Variants in P2RX5 observed in about 807,000 individuals in gnomAD.
The protein encoded by P2RX5 is P2X purinoceptor 5.
A neutral mutation model predicts 54.1 loss-of-function variants in P2RX5; 46 were observed. The observed-to-expected ratio is 0.85, with a 90% CI of 0.67 to 1.09. The LOEUF is 1.09. P2RX5 is among the 50% of genes least tolerant of loss of function. P2RX5 has a pLI of 0.00. For synonymous variants in P2RX5, 226 were observed against 226.4 expected (o/e 1.00, Z 0.02); for missense variants, 566 against 549.8 (o/e 1.03, Z -0.29).
At chr17:3,680,495 G>GCGTCCTCCACCC in intron 10 of P2RX5, among the ~76,000 whole-genome samples, 2 of 65,252 alleles carry the variant, frequency 3.1e-5, no homozygotes, top group South Asian at 5.4e-4. Flanking sequence ...CCTCCACCCA[G>GCGTCCTCCACCC]TGTCCTCCAC....
chr17:3,701,535 A>G, the P2RX5 span, among the ~76,000 whole-genome samples: 1 of 152,002 alleles, frequency 6.6e-6, no homozygotes, highest in Admixed American at 6.6e-5. Flanking sequence ...TCTACTAAAA[A>G]TACAAAATTA....
intron 8 of P2RX5, 118 bp from the exon 9 acceptor site, chr17:3,688,223 C>T: frequency 1.4e-6 from 1 of 704,020 alleles, no homozygotes; most frequent in Non-Finnish European, 2.6e-6. Context: ...CTCTCAGCAG[C>T]CCCAGGAGTG....
At chr17:3,711,148 C>T in the P2RX5 span, among the ~76,000 whole-genome samples, 2 of 152,100 alleles carry the variant, frequency 1.3e-5, no homozygotes, top group Admixed American at 6.6e-5. Flanking sequence ...GAAGAAAGAC[C>T]GGCTGGGAAA....
rs186974940 is a variant in P2RX5 at position 3,678,542 on chromosome 17, C to T, written c.1259+1048G>A. Among the ~76,000 whole-genome samples the T allele has an allele frequency of 4.8e-4, 73 of 152,314 alleles. 2 individuals carry two copies. Among genetic ancestry groups the T allele is most frequent in the Middle Eastern group, 6.8e-3 (2 of 294 alleles). On this transcript the variant is annotated intron_variant, in intron 11 of 11. Transcript: ENST00000225328. The stretch of plus-strand genomic sequence containing the variant: ...TGCCAGGCTCTGGGTCTACCCCATA[C>T]GGACCCCTAGCCTCCAGCCTCCTTG...
intron 9 of P2RX5, among the ~76,000 whole-genome samples, chr17:3,684,754 A>G (rs1414057276): frequency 6.6e-6 from 1 of 151,986 alleles, no homozygotes; most frequent in Non-Finnish European, 1.5e-5. Flanking sequence ...GGATGTGTGT[A>G]AGACCACAAC....
chr17:3,682,375 C>A, intron 9 of P2RX5: 1 of 346,672 alleles, frequency 2.9e-6, no homozygotes, highest in East Asian at 7.4e-5. Flanking sequence ...TCGATGACGA[C>A]CCACATAGGA....
chr17:3,717,539 A>G, the P2RX5 span: 1 of 152,158 alleles, frequency 6.6e-6, no homozygotes, highest in Non-Finnish European at 1.5e-5. Flanking sequence ...GGCCCTTCCA[A>G]GTTGTGGCCA....
intron 10 of P2RX5, 96 bp from the exon 11 acceptor site, chr17:3,679,880 A>G: frequency 9.4e-7 from 1 of 1,065,032 alleles, no homozygotes; most frequent in South Asian, 1.3e-5. Context: ...CTCGCCCTGC[A>G]GGCCGCCACC....
intron 9 of P2RX5, among the ~76,000 whole-genome samples, chr17:3,685,281 C>CA (rs1325071578): frequency 6.6e-6 from 1 of 152,196 alleles, no homozygotes; most frequent in Non-Finnish European, 1.5e-5. Context: ...GAGCTACCAG[C>CA]ACATGCCTCC....
chr17:3,679,442 C>T lies in P2RX5; in HGVS notation c.1259+148G>A, dbSNP rs192623347. ...AAGCACCAGCCCCTTCCCACAGAGG[C>T]TCTCCCAGTTCCTAGATGTCCTGCC... is the stretch of plus-strand genomic sequence containing the variant. On this transcript the variant is annotated intron_variant, in intron 11 of 11. Coordinates refer to ENST00000225328, the MANE Select transcript of P2RX5 (RefSeq NM_002561.4). 2.3e-4 allele frequency: 166 copies of T among 712,754 alleles called. 1 individual carries two copies. Among genetic ancestry groups the T allele is most frequent in the African/African-American group, 2.3e-3 (132 of 56,868 alleles). 44.2% of individuals were successfully genotyped at this position (712,754 alleles called of 1,614,324 possible).
At chr17:3,682,242 A>C in intron 9 of P2RX5, 1 of 493,728 alleles carries the variant, frequency 2.0e-6, no homozygotes, top group Non-Finnish European at 3.7e-6. Flanking sequence ...ACCCCATCCA[A>C]TCGTTCCTTC....
At chr17:3,716,852 A>AAAG in the P2RX5 span, 1 of 985,288 alleles carries the variant, frequency 1.0e-6, no homozygotes, top group Non-Finnish European at 1.6e-6. Context: ...ACAAGGAAAA[A>AAAG]ATCCTACATG....
At chr17:3,699,909 GGAAGGAAGGAAAGAAAGAAAGAAAGAAA>G (rs2050805693), upstream of P2RX5, among the ~76,000 whole-genome samples, 1 of 38,316 alleles carries the variant, frequency 2.6e-5, no homozygotes, top group African/African-American at 5.7e-5. Context: ...AAGGAAGGAA[GGAAGGAAGGAAAGAAAGAAAGAAAGAAA>G]GAAAGAAAGA....
At chr17:3,676,473 G>T (rs222764) in intron 11 of P2RX5, 400,848 of 983,096 alleles carry the variant, frequency 0.41, 84,084 homozygotes, top group African/African-American at 0.65. Flanking sequence ...TTTGAATCAT[G>T]TAAGTATTAC....
the P2RX5 span, among the ~76,000 whole-genome samples, chr17:3,712,428 C>A: frequency 6.6e-6 from 1 of 152,100 alleles, no homozygotes; most frequent in African/African-American, 2.4e-5. Flanking sequence ...GCAGAGCAGC[C>A]GGGGCTGGGA....
At chr17:3,716,632 G>A in the P2RX5 span, 2 of 1,090,434 alleles carry the variant, frequency 1.8e-6, no homozygotes, top group Non-Finnish European at 2.8e-6. Flanking sequence ...AAGGAGTTCT[G>A]TGCCCAAAAC....
intron 1 of P2RX5, among the ~76,000 whole-genome samples, chr17:3,692,859 A>G (rs1156893068): frequency 6.6e-6 from 1 of 152,108 alleles, no homozygotes; most frequent in Non-Finnish European, 1.5e-5. Context: ...AAATAAGAGT[A>G]CAAATCCCAT....
At chr17:3,698,529 C>T (rs1349065202), upstream of P2RX5, among the ~76,000 whole-genome samples, 1 of 152,042 alleles carries the variant, frequency 6.6e-6, no homozygotes, top group Non-Finnish European at 1.5e-5. Flanking sequence ...CAGAGCCTAC[C>T]ACTAGCCCCA....
At chr17:3,694,914 C>T (rs1011092207) in intron 1 of P2RX5, among the ~76,000 whole-genome samples, 3 of 152,120 alleles carry the variant, frequency 2.0e-5, no homozygotes, top group African/African-American at 7.2e-5. Flanking sequence ...TGAGTGGATG[C>T]TAAGGGAGTG....
Sources: gnomAD v4.1 joint callset for allele counts (sites outside exome capture counted in the v4.1 genomes callset) on GRCh38, gnomAD v4.1.1 for gene constraint, MANE v1.5 for transcripts, NCBI Gene and HGNC (gene_info 2026-07-23, HGNC 2026-07-21) for gene names.